Variants in MYH9 observed in about 807,000 individuals in gnomAD.
The protein encoded by MYH9 is myosin-9.
A neutral mutation model predicts 241.9 loss-of-function variants in MYH9; 29 were observed. The observed-to-expected ratio is 0.12, with a 90% CI of 0.09 to 0.16. The LOEUF (loss-of-function observed/expected upper bound fraction) is 0.16. MYH9 is among the 10% of genes least tolerant of loss of function. MYH9 has a pLI of 1.00. For synonymous variants in MYH9, 1,047 were observed against 1,062.6 expected (o/e 0.99, Z 0.29); for missense variants, 1,803 against 2,595.5 (o/e 0.69, Z 6.63).
chr22:36,361,809 C>T (rs1237884712), intron 1 of MYH9, among the ~76,000 whole-genome samples: 1 of 152,158 alleles, frequency 6.6e-6, no homozygotes, highest in Non-Finnish European at 1.5e-5. Context: ...CGGTGGCTCA[C>T]GCCTGTAATC....
intron 1 of MYH9, among the ~76,000 whole-genome samples, chr22:36,386,222 T>G (rs2018348494): frequency 6.6e-6 from 1 of 152,050 alleles, no homozygotes; most frequent in Admixed American, 6.6e-5. Flanking sequence ...AGTTCTCCCC[T>G]AAGTGCCCAT....
rs920892800 is a variant in MYH9, at chr22:36,387,889, C to A, written c.-102G>T. 5.3e-5 allele frequency: 8 copies of A among 152,230 alleles called. No individual in the cohort carries two copies. Among genetic ancestry groups the A allele is most frequent in the African/African-American group, 1.9e-4 (8 of 41,444 alleles). 9.4% of individuals were successfully genotyped at this position (152,230 alleles called of 1,614,324 possible). ...GCGCTCGGGCGGCGGCCGGGTGGGG[C>A]GAGCGCACGAGGCGGGAGCTGCAGC... is the stretch of plus-strand genomic sequence containing the variant. On this transcript the variant is annotated 5_prime_UTR_variant, in exon 1 of 41. Transcript: ENST00000216181.
intron 2 of MYH9, among the ~76,000 whole-genome samples, chr22:36,346,450 G>C (rs890797887): frequency 9.2e-5 from 14 of 152,176 alleles, no homozygotes; most frequent in Admixed American, 4.6e-4. Context: ...AAGTCACACA[G>C]AAAATTAAAC....
chr22:36,370,130 C>T (rs755126222), intron 1 of MYH9, among the ~76,000 whole-genome samples: 4 of 152,232 alleles, frequency 2.6e-5, no homozygotes, highest in African/African-American at 4.8e-5. Flanking sequence ...TTATTTTCCT[C>T]ATTCCACAGA....
intron 1 of MYH9, among the ~76,000 whole-genome samples, chr22:36,360,488 C>T (rs1223973504): frequency 2.6e-5 from 4 of 151,916 alleles, no homozygotes; most frequent in East Asian, 1.9e-4. Context: ...CCGAGGCGGG[C>T]GGATCACGAG....
At chr22:36,284,672 G>A (rs560518813) in intron 38 of MYH9, among the ~76,000 whole-genome samples, 161 bp from the exon 39 acceptor site, 3 of 152,124 alleles carry the variant, frequency 2.0e-5, no homozygotes, top group African/African-American at 2.4e-5. Flanking sequence ...TTCTTACGAC[G>A]GGCACTGCAA....
intron 2 of MYH9, 64 bp downstream of exon 2, chr22:36,348,840 C>CCCCCCCCCCCCCCCCCCCCCG: frequency 1.3e-6 from 1 of 745,402 alleles, no homozygotes; most frequent in South Asian, 1.6e-5. Context: ...TGGGAAGACC[C>CCCCCCCCCCCCCCCCCCCCCG]GCCCCCCCCC....
Position 36,300,438 on chromosome 22 carries a change from G to A in MYH9, c.2839-174C>T, listed in dbSNP as rs376145765. 7.2e-5 allele frequency among the ~76,000 whole-genome samples: 11 copies of A among 152,354 alleles called. No individual in the cohort carries two copies. In the East Asian group the frequency reaches 2.1e-3, roughly 29 times the overall value. Reference sequence around the variant, plus strand: ...GGTCCGCCAGCCCAGGGCCACAGCCGAGGCAGGGCCCAAGCCCCATTTGTA... The same window carrying A: ...GGTCCGCCAGCCCAGGGCCACAGCCAAGGCAGGGCCCAAGCCCCATTTGTA... On this transcript the variant is annotated intron_variant, in intron 22 of 40. Coordinates refer to ENST00000216181, the MANE Select transcript of MYH9 (RefSeq NM_002473.6). The surrounding 1 kb of genome is among the most constrained non-coding windows in gnomAD (Gnocchi z 5.0).
At chr22:36,315,880 A>T (rs1221601817) in intron 12 of MYH9, among the ~76,000 whole-genome samples, 1 of 147,120 alleles carries the variant, frequency 6.8e-6, no homozygotes, top group Non-Finnish European at 1.5e-5. Context: ...TCTACAAAAA[A>T]TTTAAAAATT....
At chr22:36,308,670 C>G (rs1269908891) in intron 15 of MYH9, 1 of 306,596 alleles carries the variant, frequency 3.3e-6, no homozygotes. Flanking sequence ...AGCCCAGGGG[C>G]AGATCAGGGA....
chr22:36,319,645 C>T lies in MYH9; in HGVS notation c.1013-10G>A. 2 of 1,613,534 alleles carry T rather than the reference C, an allele frequency of 1.2e-6. No homozygotes were observed. Among genetic ancestry groups the T allele is most frequent in the Non-Finnish European group, 1.7e-6 (2 of 1,179,592 alleles). ...ATGACCCGCAGCAGGCCTTTGGGTG[C>T]AATCAGAGGCAGCTCAGAAGCAGAC... is the stretch of plus-strand genomic sequence containing the variant. On this transcript the variant is annotated splice_polypyrimidine_tract_variant and intron_variant, in intron 9 of 40. Transcript: ENST00000216181.
At chr22:36,386,711 C>A (rs1299044285) in intron 1 of MYH9, among the ~76,000 whole-genome samples, 1 of 152,184 alleles carries the variant, frequency 6.6e-6, no homozygotes, top group Non-Finnish European at 1.5e-5. Flanking sequence ...TCACCCTGCC[C>A]CCCACCACAG....
At chr22:36,348,279 C>A (rs903380007) in intron 2 of MYH9, among the ~76,000 whole-genome samples, 1 of 150,894 alleles carries the variant, frequency 6.6e-6, no homozygotes, top group Non-Finnish European at 1.5e-5. Flanking sequence ...GAGGCCGAGG[C>A]GGGTGGATCA....
At chr22:36,309,453 AG>A in intron 14 of MYH9, 57 bp from the exon 15 acceptor site, 2 of 1,328,612 alleles carry the variant, frequency 1.5e-6, no homozygotes, top group Non-Finnish European at 2.2e-6. Context: ...GTGTGCTCAC[AG>A]GGTCTCCGGA....
At chr22:36,297,797 G>A (rs905960878) in intron 24 of MYH9, among the ~76,000 whole-genome samples, 3 of 152,196 alleles carry the variant, frequency 2.0e-5, no homozygotes, top group South Asian at 2.1e-4. Flanking sequence ...CAGTGCACAC[G>A]GCTGAGTGAC....
intron 30 of MYH9, among the ~76,000 whole-genome samples, chr22:36,292,931 TAACA>T (rs991500026): frequency 6.6e-5 from 10 of 152,150 alleles, no homozygotes; most frequent in Admixed American, 6.5e-5. Context: ...GCACATCAGA[TAACA>T]AACAGCGCAG....
chr22:36,294,831 T>A, intron 27 of MYH9, 101 bp downstream of exon 27: 4 of 1,537,618 alleles, frequency 2.6e-6, no homozygotes, highest in Non-Finnish European at 2.7e-6. Context: ...ACCAGGCAGT[T>A]GGGTAGAACC....
At chr22:36,377,729 G>A (rs999217240) in intron 1 of MYH9, among the ~76,000 whole-genome samples, 1 of 151,904 alleles carries the variant, frequency 6.6e-6, no homozygotes, top group Non-Finnish European at 1.5e-5. Flanking sequence ...CTAACACGGT[G>A]AAACCCCGTC....
At chr22:36,333,392 C>G (rs1449015310) in intron 3 of MYH9, among the ~76,000 whole-genome samples, 8 of 152,224 alleles carry the variant, frequency 5.3e-5, no homozygotes, top group Non-Finnish European at 1.0e-4. Flanking sequence ...CAGCTTAGAC[C>G]TGTGCCCTGT....
Sources: gnomAD v4.1 joint callset for allele counts (sites outside exome capture counted in the v4.1 genomes callset) on GRCh38, gnomAD v4.1.1 for gene constraint, Gnocchi (gnomAD v3.1) non-coding constraint, MANE v1.5 for transcripts, NCBI Gene and HGNC (gene_info 2026-07-23, HGNC 2026-07-21) for gene names.